SOD2: variants seen among roughly 807,000 people sequenced by gnomAD.
The protein encoded by SOD2 is superoxide dismutase [Mn], mitochondrial.
Under a neutral mutation model 27.0 loss-of-function variants are expected in SOD2, and 11 were observed. The observed-to-expected ratio is 0.41, with a 90% confidence interval of 0.26 to 0.67. The LOEUF (loss-of-function observed/expected upper bound fraction) is 0.67, where lower values mean the gene tolerates loss of function less well. SOD2 is among the 30% of genes least tolerant of loss of function. The pLI is 0.34. For synonymous variants in SOD2, 105 were observed against 103.0 expected (o/e 1.02, Z -0.12); for missense variants, 250 against 274.5 (o/e 0.91, Z 0.63).
At chr6:159,696,826 G>C (rs1052062318), upstream of SOD2, among the ~76,000 whole-genome samples, 2 of 152,094 alleles carry the variant, frequency 1.3e-5, no homozygotes, top group African/African-American at 4.8e-5. Context: ...AAGATTGCTT[G>C]AGGCCAGGAG....
upstream of SOD2, among the ~76,000 whole-genome samples, chr6:159,730,118 A>G (rs554311379): frequency 1.2e-4 from 19 of 152,254 alleles, 1 homozygote; most frequent in South Asian, 3.7e-3. Context: ...CAAATTTGAG[A>G]CCCTTACCCC....
At chr6:159,741,735 T>G (rs1292134772) in intron 1 of SOD2, 1 of 183,218 alleles carries the variant, frequency 5.5e-6, no homozygotes, top group Non-Finnish European at 1.1e-5. Flanking sequence ...GGCCTGTAAT[T>G]TCAGCAGTTT....
chr6:159,740,460 C>T (rs1367143307), intron 1 of SOD2, among the ~76,000 whole-genome samples: 1 of 152,090 alleles, frequency 6.6e-6, no homozygotes, highest in East Asian at 1.9e-4. Flanking sequence ...CTAGTCTGTG[C>T]CTTCTATCCT....
At chr6:159,700,652 CAAA>C (rs11294344) in intron 1 of SOD2, among the ~76,000 whole-genome samples, 24 of 122,168 alleles carry the variant, frequency 2.0e-4, no homozygotes, top group African/African-American at 1.8e-4. Flanking sequence ...GACTCTGTCT[CAAA>C]AAAAAAAAAA....
chr6:159,702,650 T>A (rs1777542848), intron 1 of SOD2, among the ~76,000 whole-genome samples: 1 of 81,248 alleles, frequency 1.2e-5, no homozygotes, highest in Admixed American at 2.0e-4. Flanking sequence ...AAGCTCTATC[T>A]CTCCAAAAAA....
At chr6:159,694,275 AT>A (rs1333186238), upstream of SOD2, among the ~76,000 whole-genome samples, 2 of 150,964 alleles carry the variant, frequency 1.3e-5, no homozygotes, top group African/African-American at 4.9e-5. Context: ...TGAATCTTCC[AT>A]GTGTAGAGGT....
chr6:159,749,871 A>G (rs574813047), upstream of SOD2, among the ~76,000 whole-genome samples: 4 of 152,346 alleles, frequency 2.6e-5, no homozygotes, highest in African/African-American at 7.2e-5. Flanking sequence ...AGATCATTCT[A>G]TAAGTCACCA....
Position 159,672,595 on chromosome 6 carries a change from C to T in SOD2, c.*9898G>A, listed in dbSNP as rs998939929. On this transcript the variant is annotated 3_prime_UTR_variant, in exon 5 of 5. Coordinates refer to ENST00000538183, the MANE Select transcript of SOD2 (RefSeq NM_000636.4). ...CTTACAAGAGCTCCTGAAGGAAGCA[C>T]TAAACATGGAATGGAACAACCAGTA... The T allele has an allele frequency of 3.3e-5, 5 of 152,100 alleles. No homozygotes were observed. Among genetic ancestry groups the T allele is most frequent in the Admixed American group, 6.6e-5 (1 of 15,256 alleles). 9.4% of individuals were successfully genotyped at this position (152,100 alleles called of 1,614,324 possible).
chr6:159,687,221 C>G (rs1780232622), intron 3 of SOD2, among the ~76,000 whole-genome samples: 2 of 152,162 alleles, frequency 1.3e-5, no homozygotes, highest in Non-Finnish European at 2.9e-5. Context: ...CGCGGTGGCT[C>G]ACATCCATAC....
At chr6:159,726,788 C>G in intron 1 of SOD2, 3 of 1,289,162 alleles carry the variant, frequency 2.3e-6, no homozygotes, top group Middle Eastern at 2.1e-4. Flanking sequence ...ACCCAGCGGC[C>G]AGGAGACTGC....
chr6:159,713,473 C>A (rs1248211029), intron 1 of SOD2: 1 of 662,588 alleles, frequency 1.5e-6, no homozygotes, highest in East Asian at 2.6e-5. Context: ...GTGCCCTATT[C>A]TTTCCCTGTG....
upstream of SOD2, among the ~76,000 whole-genome samples, chr6:159,697,415 GA>G (rs370050782): frequency 3.9e-4 from 59 of 152,248 alleles, no homozygotes; most frequent in African/African-American, 1.4e-3. Context: ...TTGCCAAAAT[GA>G]AGTGATCTAG....
At position 159,682,370 on chromosome 6, in the gene SOD2, A is replaced by G. The variant is rs1779998748; in HGVS notation, c.*123T>C. ...ATTCAGAACATTAAGTTGTTTATGA[A>G]ATAAGTGACTAAGCAACATCAAGAA... On this transcript the variant is annotated 3_prime_UTR_variant, in exon 5 of 5. Coordinates refer to ENST00000538183, the MANE Select transcript of SOD2 (RefSeq NM_000636.4). 5.5e-6 allele frequency: 4 copies of G among 731,486 alleles called. No individual in the cohort carries two copies. The highest frequency in any genetic ancestry group is 8.1e-6 in the Non-Finnish European group (4 of 492,996). 45.3% of individuals were successfully genotyped at this position (731,486 alleles called of 1,614,324 possible).
At chr6:159,726,000 AT>A (rs1778157813) in intron 1 of SOD2, 1 of 152,218 alleles carries the variant, frequency 6.6e-6, no homozygotes, top group Admixed American at 6.5e-5. Context: ...TATTTGGGTT[AT>A]CCCTAACTTT....
chr6:159,751,387 A>G (rs1449111219), intron 1 of SOD2, among the ~76,000 whole-genome samples: 2 of 152,212 alleles, frequency 1.3e-5, no homozygotes, highest in African/African-American at 4.8e-5. Flanking sequence ...TAAGAAGGTT[A>G]GTTGTAAACA....
chr6:159,742,382 A>G (rs1420613777), intron 1 of SOD2, among the ~76,000 whole-genome samples: 13 of 152,190 alleles, frequency 8.5e-5, no homozygotes, highest in Admixed American at 8.5e-4. Flanking sequence ...GCAAAATTAT[A>G]TGCAAGGTTC....
chr6:159,748,918 G>T (rs1183292111), upstream of SOD2: 2 of 1,158,762 alleles, frequency 1.7e-6, no homozygotes, highest in Non-Finnish European at 2.1e-6. This position sits in a 1 kb window ranked among gnomAD's most constrained non-coding sequence, Gnocchi z 5.6. Context: ...GAACTTCTGG[G>T]TCAAAACTCA....
intron 1 of SOD2, among the ~76,000 whole-genome samples, chr6:159,710,692 T>C (rs1311559991): frequency 9.9e-5 from 15 of 150,998 alleles, no homozygotes; most frequent in Non-Finnish European, 2.1e-4. Context: ...CATACTGCTC[T>C]GATCACCCTA....
At chr6:159,742,708 A>G (rs896293378) in intron 1 of SOD2, among the ~76,000 whole-genome samples, 3 of 152,180 alleles carry the variant, frequency 2.0e-5, no homozygotes, top group African/African-American at 7.2e-5. Context: ...AAGGGTTAAT[A>G]CCCTGAAATT....
Sources: allele counts gnomAD v4.1 joint callset (sites outside exome capture counted in the v4.1 genomes callset), GRCh38; gene constraint gnomAD v4.1.1; non-coding constraint Gnocchi (gnomAD v3.1); transcripts MANE v1.5; gene names NCBI Gene and HGNC (gene_info 2026-07-23, HGNC 2026-07-21).